Variants in MAGEA8 observed in about 807,000 individuals in gnomAD.
MAGEA8 encodes MAGE family member A8.
For missense variants in MAGEA8, 229 were observed against 251.1 expected (o/e 0.91, Z 0.59); for synonymous variants, 104 against 102.6 (o/e 1.01, Z -0.08).
At position 149,884,511 on chromosome X, in the gene MAGEA8, G is replaced by T; in HGVS notation, c.239G>T (p.Trp80Leu). 1 of 1,211,671 alleles carries T rather than the reference G, an allele frequency of 8.3e-7. No individual in the cohort carries two copies. The highest frequency in any genetic ancestry group is 1.1e-6 in the Non-Finnish European group (1 of 895,361). Residue 80 changes from tryptophan (W) to leucine (L), a missense_variant, in exon 3 of 3, where the codon TGG becomes TTG. Trp to Leu is a moderately conservative substitution (Grantham distance 61). Coordinates refer to ENST00000286482, the MANE Select transcript of MAGEA8 (RefSeq NM_005364.5). ...SSLTVTDSTL[W>L]SQSDEGSSSN... is the part of the protein sequence containing the mutation. ...CTGACTGTCACCGACAGCACTCTGT[G>T]GAGCCAATCCGATGAGGGTTCCAGC...
Position 149,885,061 on chromosome X carries a change from G to A in MAGEA8, c.789G>A (p.Gln263=), listed in dbSNP as rs372766396. The A allele has an allele frequency of 5.0e-5, 60 of 1,209,438 alleles. No individual in the cohort carries two copies. The highest frequency in any genetic ancestry group is 6.4e-5 in the Non-Finnish European group (57 of 894,763). The change falls in exon 3 of 3, where the codon CAG becomes CAA. Residue 263 remains glutamine (Q), a synonymous_variant. Coordinates refer to ENST00000286482, the MANE Select transcript of MAGEA8 (RefSeq NM_005364.5). ...AGGAGAACTACCTGGAGTACCGCCA[G>A]GCGCCCGGCAGTGATCCTGTGCGCT... ...WVQENYLEYR[Q]APGSDPVRYE...
At position 149,884,904 on chromosome X, in the gene MAGEA8, T is replaced by C; in HGVS notation, c.632T>C (p.Met211Thr). 2 of 1,211,037 alleles carry C rather than the reference T, an allele frequency of 1.7e-6. No homozygotes were observed. The highest frequency in any genetic ancestry group is 2.2e-6 in the Non-Finnish European group (2 of 895,182). Residue 211 changes from methionine (M) to threonine (T), a missense_variant, in exon 3 of 3, where the codon ATG (methionine) becomes ACG (threonine). Met to Thr is a moderately conservative substitution (Grantham distance 81). Transcript: ENST00000286482. The part of the protein sequence containing the change: ...KTGLLIIVLG[M>T]ILMEGSRAPE... Reference sequence around the variant, plus strand: ...GGCCTCCTGATAATCGTCCTGGGCATGATCTTAATGGAGGGCAGCCGCGCC... The same window carrying C: ...GGCCTCCTGATAATCGTCCTGGGCACGATCTTAATGGAGGGCAGCCGCGCC...
In MAGEA8 at chrX:149,885,325, A is replaced by G. The variant is rs2090756878; in HGVS notation, c.*96A>G. 1 of 628,800 alleles carries G rather than the reference A, an allele frequency of 1.6e-6. No homozygotes were observed. The highest frequency in any genetic ancestry group is 2.9e-5 in the South Asian group (1 of 34,513). 51.8% of individuals were successfully genotyped at this position (628,800 alleles called of 1,213,427 possible). On this transcript the variant is annotated 3_prime_UTR_variant, in exon 3 of 3. Coordinates refer to ENST00000286482, the MANE Select transcript of MAGEA8 (RefSeq NM_005364.5). ...CATCCACCACTTTCCCTGCTCTGTT[A>G]CATGAGGCCCATTCTTCACTCTGTG...
chrX:149,884,422 TGAG>T lies in MAGEA8; in HGVS notation c.155_157del (p.Glu52del). On this transcript the variant is annotated inframe_deletion, in exon 3 of 3. Coordinates refer to ENST00000286482, the MANE Select transcript of MAGEA8 (RefSeq NM_005364.5). The stretch of plus-strand genomic sequence containing the variant: ...CCTCTACTCTGATCATGGGAACCCT[TGAG>T]GAGGTGACTGATTCTGGGTCACCAA... 1.7e-6 allele frequency: 2 copies of T among 1,211,134 alleles called. No individual in the cohort carries two copies. Among genetic ancestry groups the T allele is most frequent in the Non-Finnish European group, 2.2e-6 (2 of 895,040 alleles).
intron 1 of MAGEA8, chrX:149,883,205 G>C (rs2090741073): frequency 8.9e-6 from 1 of 111,978 alleles, no homozygotes; most frequent in Non-Finnish European, 1.9e-5. Flanking sequence ...AGAAGGCCTT[G>C]GTCTGAGGGC....
chrX:149,881,527 C>G (rs1347981953), intron 1 of MAGEA8, among the ~76,000 whole-genome samples: 1 of 111,155 alleles, frequency 9.0e-6, no homozygotes, highest in African/African-American at 3.3e-5. Context: ...GGGCAGGACC[C>G]TGAGGGAGGG....
intron 1 of MAGEA8, chrX:149,883,768 G>T (rs1342712909): frequency 8.7e-6 from 1 of 114,703 alleles, no homozygotes; most frequent in Non-Finnish European, 1.8e-5. Flanking sequence ...GCACTGGGGT[G>T]CTGGGGCTGT....
intron 1 of MAGEA8, among the ~76,000 whole-genome samples, chrX:149,881,675 G>A (rs1295366090): frequency 9.1e-6 from 1 of 109,461 alleles, no homozygotes; most frequent in East Asian, 2.9e-4. Flanking sequence ...GGCCGGGCTC[G>A]CTGATTCTGA....
rs2090753132 is a variant in MAGEA8 at position 149,884,894 on chromosome X, G to A, written c.622G>A (p.Val208Ile). ...STPKTGLLII[V>I]LGMILMEGSR... ...GCCCAAGACCGGCCTCCTGATAATC[G>A]TCCTGGGCATGATCTTAATGGAGGG... is the stretch of plus-strand genomic sequence containing the variant. The change falls in exon 3 of 3, where the codon GTC becomes ATC. Residue 208 changes from valine to isoleucine, a missense_variant. Transcript: ENST00000286482. 6.6e-6 allele frequency: 8 copies of A among 1,211,132 alleles called. No homozygotes were observed. Among genetic ancestry groups the A allele is most frequent in the Non-Finnish European group, 8.9e-6 (8 of 895,282 alleles).
rs782112088 is a variant in MAGEA8 at position 149,884,400 on chromosome X, C to G, written c.128C>G (p.Ser43Cys). Residue 43 changes from serine to cysteine, a missense_variant, in exon 3 of 3, where the codon TCT becomes TGT. Coordinates refer to ENST00000286482, the MANE Select transcript of MAGEA8 (RefSeq NM_005364.5). ...AEEQKAASSS[S>C]TLIMGTLEEV... ...GAGCAGAAGGCTGCATCCTCCTCCT[C>G]TACTCTGATCATGGGAACCCTTGAG... The G allele has an allele frequency of 4.7e-5, 57 of 1,209,397 alleles. No homozygotes were observed. In the South Asian group the frequency reaches 9.7e-4, roughly 21 times the overall value.
At position 149,884,633 on chromosome X, in the gene MAGEA8, C is replaced by T. The variant is rs782267175; in HGVS notation, c.361C>T (p.Arg121Cys). 8.3e-6 allele frequency: 10 copies of T among 1,209,227 alleles called. No homozygotes were observed. The Admixed American group carries it at 1.7e-4, about 21-fold the overall frequency. ...ALDEKVAELV[R>C]FLLRKYQIKE... Reference sequence around the variant, plus strand: ...TGATGAGAAAGTGGCTGAGTTAGTTCGTTTCCTGCTCCGCAAATATCAAAT... The same window carrying T: ...TGATGAGAAAGTGGCTGAGTTAGTTTGTTTCCTGCTCCGCAAATATCAAAT... The change falls in exon 3 of 3, where the codon CGT becomes TGT. Residue 121 changes from arginine to cysteine, a missense_variant. Coordinates refer to ENST00000286482, the MANE Select transcript of MAGEA8 (RefSeq NM_005364.5).
intron 1 of MAGEA8, among the ~76,000 whole-genome samples, chrX:149,882,070 G>A (rs1346972369): frequency 1.8e-5 from 2 of 110,944 alleles, no homozygotes; most frequent in Non-Finnish European, 3.8e-5. Flanking sequence ...TGTGGTCTGA[G>A]GAGTGGAGTC....
chrX:149,885,199 A>G lies in MAGEA8; in HGVS notation c.927A>G (p.Glu309=). ...RVRISYPSLH[E]EALGEEKGV is the part of the protein sequence containing the mutation. ...GCATTTCCTACCCATCCCTGCATGA[A>G]GAGGCTTTGGGAGAGGAGAAAGGAG... is the stretch of plus-strand genomic sequence containing the variant. The change falls in exon 3 of 3, where the codon GAA becomes GAG. Residue 309 remains glutamate (E), a synonymous_variant. Coordinates refer to ENST00000286482, the MANE Select transcript of MAGEA8 (RefSeq NM_005364.5). The G allele has an allele frequency of 8.3e-7, 1 of 1,200,595 alleles. No individual in the cohort carries two copies. The highest frequency in any genetic ancestry group is 1.7e-5 in the African/African-American group (1 of 57,689).
chrX:149,884,938 G>C lies in MAGEA8; in HGVS notation c.666G>C (p.Glu222Asp), dbSNP rs782613781. ...TGGAGGGCAGCCGCGCCCCGGAGGAGGCAATCTGGGAAGCGTTGAGTGTGA... is the reference window on the plus strand; with the variant it reads ...TGGAGGGCAGCCGCGCCCCGGAGGACGCAATCTGGGAAGCGTTGAGTGTGA... Reference protein sequence around the residue: ...ILMEGSRAPEEAIWEALSVMG... With the variant: ...ILMEGSRAPEDAIWEALSVMG... The change falls in exon 3 of 3, where the codon GAG (glutamate) becomes GAC (aspartate). Residue 222 changes from glutamate (E) to aspartate (D), a missense_variant. Transcript: ENST00000286482. The C allele has an allele frequency of 3.3e-6, 4 of 1,211,318 alleles. No individual in the cohort carries two copies. In the African/African-American group the frequency reaches 5.2e-5, roughly 16 times the overall value.
intron 1 of MAGEA8, chrX:149,883,712 C>T (rs151038761): frequency 2.6e-3 from 291 of 112,291 alleles, no homozygotes; most frequent in African/African-American, 9.0e-3. Flanking sequence ...GGACCATCCA[C>T]ACAAAATAGT....
At chrX:149,883,227 G>T (rs1309872763) in intron 1 of MAGEA8, 2 of 111,781 alleles carry the variant, frequency 1.8e-5, no homozygotes, top group Admixed American at 9.4e-5. Context: ...CTGCATTCAG[G>T]TCAGCAGAGC....
Position 149,884,270 on chromosome X carries a change from A to C in MAGEA8, c.-3A>C. On this transcript the variant is annotated 5_prime_UTR_variant, in exon 3 of 3. Coordinates refer to ENST00000286482, the MANE Select transcript of MAGEA8 (RefSeq NM_005364.5). ...CTCTCCTGCTGCCCTGACCTGAGTC[A>C]TCATGCTTCTTGGGCAGAAGAGTCA... 1 of 1,184,841 alleles carries C rather than the reference A, an allele frequency of 8.4e-7. No individual in the cohort carries two copies. Among genetic ancestry groups the C allele is most frequent in the African/African-American group, 1.7e-5 (1 of 57,451 alleles).
chrX:149,881,473 G>A (rs1395536310), intron 1 of MAGEA8, among the ~76,000 whole-genome samples, 188 bp downstream of exon 1: 1 of 111,869 alleles, frequency 8.9e-6, no homozygotes, highest in Non-Finnish European at 1.9e-5. Context: ...ACCAGAGCAG[G>A]GCTGGTTAGC....
chrX:149,882,148 A>G (rs781946527), intron 1 of MAGEA8, among the ~76,000 whole-genome samples: 1 of 110,687 alleles, frequency 9.0e-6, no homozygotes, highest in South Asian at 3.9e-4. Context: ...ATCATGGCCT[A>G]GGAAACCTGC....
Sources: gnomAD v4.1 joint callset for allele counts (sites outside exome capture counted in the v4.1 genomes callset) on GRCh38, gnomAD v4.1.1 for gene constraint, MANE v1.5 for transcripts, NCBI Gene and HGNC (gene_info 2026-07-23, HGNC 2026-07-21) for gene names.